Variants in FARS2 observed in about 807,000 individuals in gnomAD.
FARS2 encodes the protein phenylalanine--tRNA ligase, mitochondrial.
FARS2 carries 40 observed loss-of-function variants against 46.4 expected under a neutral mutation model. That is an observed-to-expected ratio of 0.86 (90% confidence interval 0.67 to 1.12). The LOEUF (loss-of-function observed/expected upper bound fraction) is 1.12. Among genes scored for constraint, FARS2 ranks in the 50% most tolerant of loss-of-function variants. The pLI, the probability that FARS2 is intolerant of heterozygous loss-of-function variation, is 0.00. For missense variants in FARS2, 513 were observed against 567.9 expected (o/e 0.90, Z 0.98); for synonymous variants, 234 against 214.9 (o/e 1.09, Z -0.78).
intron 4 of FARS2, among the ~76,000 whole-genome samples, chr6:5,505,639 G>A (rs1011915025): frequency 6.6e-6 from 1 of 152,162 alleles, no homozygotes; most frequent in Non-Finnish European, 1.5e-5. Context: ...TCCGTTTGGG[G>A]TCCCTGACTT....
intron 5 of FARS2, among the ~76,000 whole-genome samples, chr6:5,596,522 A>G (rs914354095): frequency 3.9e-5 from 6 of 152,226 alleles, no homozygotes; most frequent in African/African-American, 9.6e-5. Flanking sequence ...TTCATTTTGC[A>G]TAAGGGAAAT....
At chr6:5,559,787 G>A (rs1162358564) in intron 5 of FARS2, among the ~76,000 whole-genome samples, 1 of 151,996 alleles carries the variant, frequency 6.6e-6, no homozygotes, top group African/African-American at 2.4e-5. Context: ...ACTGATGCAA[G>A]GATCAACACA....
intron 1 of FARS2, among the ~76,000 whole-genome samples, chr6:5,350,707 A>G (rs189637425): frequency 1.3e-5 from 2 of 152,340 alleles, no homozygotes; most frequent in Admixed American, 1.3e-4. Flanking sequence ...TATCAATACC[A>G]TTGATAATTG....
intron 6 of FARS2, among the ~76,000 whole-genome samples, chr6:5,626,202 G>A (rs950739918): frequency 3.9e-5 from 6 of 152,220 alleles, no homozygotes; most frequent in African/African-American, 7.2e-5. Flanking sequence ...CAAGGAAAAG[G>A]CACTCATCAG....
intron 6 of FARS2, among the ~76,000 whole-genome samples, chr6:5,664,579 T>C (rs906285066): frequency 6.6e-6 from 1 of 152,210 alleles, no homozygotes; most frequent in African/African-American, 2.4e-5. Flanking sequence ...AAGCATCATC[T>C]CAAAAGCACA....
At chr6:5,753,842 T>C (rs1425332639) in intron 6 of FARS2, among the ~76,000 whole-genome samples, 1 of 152,132 alleles carries the variant, frequency 6.6e-6, no homozygotes, top group African/African-American at 2.4e-5. Context: ...TCCAGCACCA[T>C]GGTGGTGCTG....
At chr6:5,438,154 C>G (rs1297694389) in intron 4 of FARS2, among the ~76,000 whole-genome samples, 2 of 150,508 alleles carry the variant, frequency 1.3e-5, no homozygotes, top group Non-Finnish European at 2.9e-5. Flanking sequence ...CTTGTAAATA[C>G]TAGTATCTTT....
intron 5 of FARS2, among the ~76,000 whole-genome samples, chr6:5,578,960 T>G (rs1323484840): frequency 6.6e-6 from 1 of 152,238 alleles, no homozygotes; most frequent in African/African-American, 2.4e-5. Context: ...GGGAATAATA[T>G]TAATGCTTAC....
At chr6:5,574,329 T>G (rs1772833920) in intron 5 of FARS2, among the ~76,000 whole-genome samples, 3 of 152,146 alleles carry the variant, frequency 2.0e-5, no homozygotes, top group African/African-American at 4.8e-5. Flanking sequence ...TTTCACCGTG[T>G]TAGCCAGGAT....
intron 4 of FARS2, among the ~76,000 whole-genome samples, chr6:5,453,222 A>G (rs1346522060): frequency 6.6e-6 from 1 of 152,216 alleles, no homozygotes; most frequent in Non-Finnish European, 1.5e-5. Flanking sequence ...ATATCTGGAG[A>G]AAACAAAAAC....
At chr6:5,745,147 G>A (rs1016384857) in intron 6 of FARS2, among the ~76,000 whole-genome samples, 2 of 152,248 alleles carry the variant, frequency 1.3e-5, no homozygotes, top group Non-Finnish European at 2.9e-5. Flanking sequence ...CAGCAATGAA[G>A]CTATTATTAG....
chr6:5,671,732 T>G (rs1315613716), intron 6 of FARS2, among the ~76,000 whole-genome samples: 1 of 152,186 alleles, frequency 6.6e-6, no homozygotes, highest in Non-Finnish European at 1.5e-5. Flanking sequence ...GTTTTTAGAT[T>G]AGATTTTGCC....
intron 1 of FARS2, among the ~76,000 whole-genome samples, chr6:5,348,245 A>G (rs770818052): frequency 2.6e-5 from 4 of 152,122 alleles, no homozygotes; most frequent in Admixed American, 1.3e-4. Flanking sequence ...GTCCACTCCA[A>G]GGTATGAAAG....
At chr6:5,664,812 A>G (rs547633800) in intron 6 of FARS2, among the ~76,000 whole-genome samples, 31 of 152,292 alleles carry the variant, frequency 2.0e-4, no homozygotes, top group Admixed American at 1.1e-3. Flanking sequence ...CAGTAGCTCA[A>G]GGGCAGCTGG....
At chr6:5,264,482 T>C (rs1765406979) in intron 1 of FARS2, among the ~76,000 whole-genome samples, 1 of 151,872 alleles carries the variant, frequency 6.6e-6, no homozygotes, top group East Asian at 1.9e-4. Context: ...TTATGGTTTT[T>C]CTTTTCTTTT....
At chr6:5,267,751 C>CA (rs71540859) in intron 1 of FARS2, among the ~76,000 whole-genome samples, 2,997 of 109,238 alleles carry the variant, frequency 0.027, 42 homozygotes, top group East Asian at 0.048. Context: ...GAGACTGTCT[C>CA]AAAAAAAAAA....
chr6:5,447,392 C>A (rs12205522), intron 4 of FARS2, among the ~76,000 whole-genome samples: 2,510 of 152,252 alleles, frequency 0.016, 45 homozygotes, highest in Non-Finnish European at 0.028. Context: ...ACACACAGAA[C>A]CTTTGAGCAA....
chr6:5,379,394 T>A (rs1364853001), intron 2 of FARS2, among the ~76,000 whole-genome samples: 1 of 152,190 alleles, frequency 6.6e-6, no homozygotes, highest in Non-Finnish European at 1.5e-5. Context: ...AAGGAAAGCA[T>A]AATGTAAAGA....
At chr6:5,328,644 G>A (rs1770567457) in intron 1 of FARS2, among the ~76,000 whole-genome samples, 1 of 151,768 alleles carries the variant, frequency 6.6e-6, no homozygotes, top group Admixed American at 6.6e-5. Flanking sequence ...GTTTGAAGGA[G>A]GACTGATGGC....
Sources: gnomAD v4.1 joint callset for allele counts (sites outside exome capture counted in the v4.1 genomes callset) on GRCh38, gnomAD v4.1.1 for gene constraint, MANE v1.5 for transcripts, NCBI Gene and HGNC (gene_info 2026-07-23, HGNC 2026-07-21) for gene names.